The following FGD4 variants were observed in gnomAD, a reference collection of about 807,000 sequenced individuals.
The protein encoded by FGD4 is FYVE, RhoGEF and PH domain containing 4.
In FGD4, 42 loss-of-function variants were observed where a neutral mutation model predicts 102.0. The observed-to-expected ratio is 0.41, with a 90% CI of 0.32 to 0.53. The LOEUF (loss-of-function observed/expected upper bound fraction) is 0.53. Among genes scored for constraint, FGD4 ranks in the 20% least tolerant of loss-of-function variants. The probability of loss-of-function intolerance (pLI) is 0.21; values close to 1 mark genes in which losing one functional copy is unlikely to be tolerated. For missense variants in FGD4, 902 were observed against 1,078.2 expected, an observed-to-expected ratio of 0.84 and a Z score of 2.29; for synonymous variants, 380 against 375.7, an observed-to-expected ratio of 1.01 and a Z score of -0.13.
intron 1 of FGD4, among the ~76,000 whole-genome samples, chr12:32,541,958 C>G (rs1942868576): frequency 7.5e-6 from 1 of 133,336 alleles, no homozygotes; most frequent in Non-Finnish European, 1.6e-5. Flanking sequence ...CTTTTTTCCT[C>G]AGGGAAAAAA....
chr12:32,403,121 AAAG>A (rs1042911715), intron 1 of FGD4, among the ~76,000 whole-genome samples: 5 of 103,512 alleles, frequency 4.8e-5, no homozygotes, highest in South Asian at 2.6e-4. Context: ...TTTCCCTCTT[AAAG>A]AAGAAGGAAC....
chr12:32,400,026 G>A, intron 1 of FGD4, 67 bp downstream of exon 1: 1 of 1,403,294 alleles, frequency 7.1e-7, no homozygotes, highest in Non-Finnish European at 9.2e-7. Context: ...GGCGCTCCCA[G>A]CGCCCTGCAG....
intron 1 of FGD4, among the ~76,000 whole-genome samples, chr12:32,517,885 C>CA (rs913487584): frequency 1.0e-4 from 15 of 143,400 alleles, no homozygotes; most frequent in South Asian, 2.2e-4. Context: ...GACCCTGTCT[C>CA]AAAAAAAAAA....
chr12:32,489,385 T>C (rs1944016285), intron 1 of FGD4, among the ~76,000 whole-genome samples: 1 of 152,252 alleles, frequency 6.6e-6, no homozygotes, highest in African/African-American at 2.4e-5. Context: ...ACCCAGTTCT[T>C]GTATAGTTTC....
intron 1 of FGD4, among the ~76,000 whole-genome samples, chr12:32,491,132 T>TAAAAAAAAAAAAAAA (rs72008264): frequency 9.4e-6 from 1 of 106,564 alleles, no homozygotes; most frequent in Non-Finnish European, 1.8e-5. Context: ...TTCTGCCAGT[T>TAAAAAAAAAAAAAAA]AAAAAAAAAA....
intron 1 of FGD4, among the ~76,000 whole-genome samples, chr12:32,423,495 G>A (rs932186668): frequency 2.0e-5 from 3 of 151,248 alleles, no homozygotes; most frequent in Admixed American, 2.0e-4. Context: ...GGGAGGCCGA[G>A]GCAGGAGAAT....
chr12:32,425,157 C>T lies in FGD4; in HGVS notation c.166+25198C>T, dbSNP rs561078465. Among the ~76,000 whole-genome samples, 10 of 152,276 alleles carry T rather than the reference C, an allele frequency of 6.6e-5. No individual in the cohort carries two copies. In the South Asian group the frequency reaches 2.1e-3, roughly 32 times the overall value. On this transcript the variant is annotated intron_variant, in intron 1 of 16. Coordinates refer to ENST00000534526, the MANE Select transcript of FGD4 (RefSeq NM_001370298.3). Reference sequence around the variant, plus strand: ...ATAAAGTCTTTGCCCATGCCTATGTCCTGAATGGTATTGCTTAGGTTTTCT... The same window carrying T: ...ATAAAGTCTTTGCCCATGCCTATGTTCTGAATGGTATTGCTTAGGTTTTCT...
chr12:32,553,544 AGATAACAGTCAAAGT>A (rs1455018108), intron 1 of FGD4, among the ~76,000 whole-genome samples: 4 of 152,374 alleles, frequency 2.6e-5, no homozygotes, highest in Non-Finnish European at 5.9e-5. Context: ...TGCTTAAGAA[AGATAACAGTCAAAGT>A]TGCCTTTTTA....
At chr12:32,470,592 C>T (rs1035168429) in intron 1 of FGD4, among the ~76,000 whole-genome samples, 5 of 150,916 alleles carry the variant, frequency 3.3e-5, no homozygotes, top group African/African-American at 1.2e-4. Context: ...TAGCTGGGAG[C>T]ACAGGTGCAC....
At chr12:32,634,896 G>T (rs1347396574) in intron 15 of FGD4, among the ~76,000 whole-genome samples, 1 of 152,140 alleles carries the variant, frequency 6.6e-6, no homozygotes, top group Non-Finnish European at 1.5e-5. Flanking sequence ...GCTGAGGCAG[G>T]AGAATCGCTT....
At chr12:32,424,727 C>T (rs956748069) in intron 1 of FGD4, among the ~76,000 whole-genome samples, 2 of 152,182 alleles carry the variant, frequency 1.3e-5, no homozygotes, top group Non-Finnish European at 2.9e-5. Flanking sequence ...TCCTCTCCAG[C>T]ATCTGTTGTT....
In FGD4 at chr12:32,412,899, ATTTTTTT is replaced by A. The variant is rs869107334; in HGVS notation, c.166+12959_166+12965del. ...CTGTCCAGAGACCCCTTTTCTAGAA[ATTTTTTT>A]TTTTTTTTTTTTTTTTTTAATTAGC... is the stretch of plus-strand genomic sequence containing the variant. On this transcript the variant is annotated intron_variant, in intron 1 of 16. Coordinates refer to ENST00000534526, the MANE Select transcript of FGD4 (RefSeq NM_001370298.3). Among the ~76,000 whole-genome samples the A allele has an allele frequency of 1.8e-4, 16 of 86,988 alleles. No individual in the cohort carries two copies. The South Asian group carries it at 4.6e-3, about 25-fold the overall frequency. The allele number at this position is 86,988 out of a possible 152,430, so 57.1% of individuals were successfully genotyped here.
intron 1 of FGD4, among the ~76,000 whole-genome samples, chr12:32,495,186 G>T (rs1350341711): frequency 6.6e-6 from 1 of 152,096 alleles, no homozygotes; most frequent in Non-Finnish European, 1.5e-5. Context: ...TATTATGCCT[G>T]TTTATTTCTT....
intron 1 of FGD4, among the ~76,000 whole-genome samples, chr12:32,538,813 G>C (rs775071419): frequency 2.0e-5 from 3 of 152,136 alleles, no homozygotes; most frequent in East Asian, 3.9e-4. Context: ...CAGCACTTTG[G>C]GAGGCCAAGG....
At chr12:32,488,191 A>T (rs1943971835) in intron 1 of FGD4, among the ~76,000 whole-genome samples, 1 of 151,576 alleles carries the variant, frequency 6.6e-6, no homozygotes, top group African/African-American at 2.4e-5. Context: ...AAAAAAAAAG[A>T]CAGAGAAAAA....
At position 32,414,223 on chromosome 12, in the gene FGD4, C is replaced by T. The variant is rs958928884; in HGVS notation, c.166+14264C>T. Among the ~76,000 whole-genome samples, 12 of 152,248 alleles carry T rather than the reference C, an allele frequency of 7.9e-5. No individual in the cohort carries two copies. The East Asian group carries it at 1.2e-3, about 15-fold the overall frequency. On this transcript the variant is annotated intron_variant, in intron 1 of 16. Transcript: ENST00000534526. ...CTGACCTCAGGTGATCCACCTGCCTCGACCTCCCAAAGTGTTGGGATTATA... is the reference window on the plus strand; with the variant it reads ...CTGACCTCAGGTGATCCACCTGCCTTGACCTCCCAAAGTGTTGGGATTATA...
In FGD4 at chr12:32,642,031, T is replaced by C. The variant is rs1951178716; in HGVS notation, c.*1498T>C. 6.6e-6 allele frequency: 1 copy of C among 152,160 alleles called. No homozygotes were observed. The highest frequency in any genetic ancestry group is 1.5e-5 in the Non-Finnish European group (1 of 67,994). The allele number at this position is 152,160 out of a possible 1,614,324, so 9.4% of individuals were successfully genotyped here. ...GTATGTAAGGATTACACCTTAGATA[T>C]AGAATAGAATTTGAGACTGCCACAC... On this transcript the variant is annotated 3_prime_UTR_variant, in exon 17 of 17. Transcript: ENST00000534526.
At chr12:32,611,372 T>C in intron 10 of FGD4, 89 bp downstream of exon 10, 3 of 1,498,464 alleles carry the variant, frequency 2.0e-6, no homozygotes, top group Non-Finnish European at 2.8e-6. Context: ...TCCCAGCACT[T>C]TGGGAGGCCG....
chr12:32,581,779 G>A lies in FGD4; in HGVS notation c.504-181G>A, dbSNP rs61926174. The A allele has an allele frequency of 0.024, 14,869 of 623,892 alleles. 392 individuals carry two copies. The highest frequency in any genetic ancestry group is 0.088 in the African/African-American group (4,750 of 54,236). The allele number at this position is 623,892 out of a possible 1,614,324, so 38.6% of individuals were successfully genotyped here. A position where few individuals can be genotyped will look rare whatever the true frequency, so the allele number is the denominator to read the frequency against. ...TCTTTATTTAAATCTTTATTTAAAT[G>A]TGGATAGCATCCCAAGAGACTTGGG... is the stretch of plus-strand genomic sequence containing the variant. On this transcript the variant is annotated intron_variant, in intron 3 of 16. Coordinates refer to ENST00000534526, the MANE Select transcript of FGD4 (RefSeq NM_001370298.3).
Sources: allele counts gnomAD v4.1 joint callset (sites outside exome capture counted in the v4.1 genomes callset), GRCh38; gene constraint gnomAD v4.1.1; transcripts MANE v1.5; gene names NCBI Gene and HGNC (gene_info 2026-07-23, HGNC 2026-07-21).